Variants in WDFY3 observed in about 807,000 individuals in gnomAD.
WDFY3 encodes the protein WD repeat and FYVE domain-containing protein 3.
Under a neutral mutation model 409.6 loss-of-function variants are expected in WDFY3, and 66 were observed. The observed-to-expected ratio is 0.16, with a 90% confidence interval of 0.13 to 0.20. The LOEUF (loss-of-function observed/expected upper bound fraction) is 0.20, where lower values mean the gene tolerates loss of function less well. WDFY3 is among the 10% of genes least tolerant of loss of function. The probability of loss-of-function intolerance (pLI) is 1.00; values close to 1 mark genes in which losing one functional copy is unlikely to be tolerated. For synonymous variants in WDFY3, 1,521 were observed against 1,537.1 expected, an observed-to-expected ratio of 0.99 and a Z score of 0.25; for missense variants, 3,031 against 4,298.1, an observed-to-expected ratio of 0.71 and a Z score of 8.24.
rs549064907 is a variant in WDFY3 at position 84,696,186 on chromosome 4, T to C, written c.8689-4A>G. 1 of 1,613,640 alleles carries C rather than the reference T, an allele frequency of 6.2e-7. No individual in the cohort carries two copies. Among genetic ancestry groups the C allele is most frequent in the South Asian group, 1.1e-5 (1 of 90,984 alleles). On this transcript the variant is annotated splice_polypyrimidine_tract_variant and splice_region_variant and intron_variant, in intron 57 of 67. Coordinates refer to ENST00000295888, the MANE Select transcript of WDFY3 (RefSeq NM_014991.6). Reference sequence around the variant, plus strand: ...TCACGTAATCACACTCCAAAGCCTGTAATTTCAAACATAGGTTTAGTCACT... The same window carrying C: ...TCACGTAATCACACTCCAAAGCCTGCAATTTCAAACATAGGTTTAGTCACT...
chr4:84,870,218 G>A lies in WDFY3; in HGVS notation c.-31-9596C>T, dbSNP rs1307903363. Among the ~76,000 whole-genome samples, 3 of 152,166 alleles carry A rather than the reference G, an allele frequency of 2.0e-5. No individual in the cohort carries two copies. The East Asian group carries it at 5.8e-4, about 29-fold the overall frequency. ...AAAAGTTAAATAAAAAACAAAATAA[G>A]GGATTTAGCACCAAAATGTAAAGAG... is the stretch of plus-strand genomic sequence containing the variant. On this transcript the variant is annotated intron_variant, in intron 3 of 67. Coordinates refer to ENST00000295888, the MANE Select transcript of WDFY3 (RefSeq NM_014991.6).
At chr4:84,846,729 A>C (rs1468460107) in intron 5 of WDFY3, among the ~76,000 whole-genome samples, 2 of 151,648 alleles carry the variant, frequency 1.3e-5, no homozygotes, top group Non-Finnish European at 2.9e-5. Context: ...AAAAGGTATA[A>C]ACTTTTAAGA....
intron 36 of WDFY3, among the ~76,000 whole-genome samples, chr4:84,750,717 T>G (rs1740378281): frequency 6.6e-6 from 1 of 152,214 alleles, no homozygotes; most frequent in Admixed American, 6.5e-5. Flanking sequence ...AAACATTTTT[T>G]AATGCTTTTC....
intron 24 of WDFY3, among the ~76,000 whole-genome samples, chr4:84,784,149 T>C (rs1277850703): frequency 1.3e-5 from 2 of 152,148 alleles, no homozygotes; most frequent in Non-Finnish European, 2.9e-5. Context: ...CTGCTACTTC[T>C]CAGTCTTTTC....
chr4:84,752,765 A>G (rs1417571345), intron 35 of WDFY3, among the ~76,000 whole-genome samples: 2 of 152,158 alleles, frequency 1.3e-5, no homozygotes, highest in Non-Finnish European at 2.9e-5. Context: ...CCTAGAGTAT[A>G]TGGTGGAAAT....
Position 84,776,295 on chromosome 4 carries a change from C to A in WDFY3, c.4519-1157G>T, listed in dbSNP as rs189627154. Among the ~76,000 whole-genome samples, 75 of 151,922 alleles carry A rather than the reference C, an allele frequency of 4.9e-4. 1 individual carries two copies. Among genetic ancestry groups the A allele is most frequent in the African/African-American group, 1.7e-3 (70 of 41,494 alleles). ...TCACTAAAAATTGTACATGGCATTG[C>A]AATTATTTTACTTATATTTGTCAAA... On this transcript the variant is annotated intron_variant, in intron 27 of 67. Coordinates refer to ENST00000295888, the MANE Select transcript of WDFY3 (RefSeq NM_014991.6).
intron 59 of WDFY3, among the ~76,000 whole-genome samples, 171 bp from the exon 60 acceptor site, chr4:84,691,956 C>T (rs764248332): frequency 2.0e-5 from 3 of 152,186 alleles, no homozygotes; most frequent in Non-Finnish European, 2.9e-5. Context: ...ACAAGACCTG[C>T]TGGGTGGAAT....
At chr4:84,789,646 C>CCCCAA in intron 22 of WDFY3, 80 bp downstream of exon 22, 1 of 1,283,444 alleles carries the variant, frequency 7.8e-7, no homozygotes, top group Non-Finnish European at 1.1e-6. Context: ...CACACACACA[C>CCCCAA]ACACACACAC....
intron 8 of WDFY3, 149 bp downstream of exon 8, chr4:84,831,264 G>T (rs943168179): frequency 7.1e-6 from 4 of 561,052 alleles, no homozygotes; most frequent in Admixed American, 4.1e-5. Flanking sequence ...CCCCACAGAT[G>T]AAAAAAAATA....
chr4:84,785,887 G>T, intron 24 of WDFY3, 92 bp downstream of exon 24: 1 of 1,440,866 alleles, frequency 6.9e-7, no homozygotes, highest in Non-Finnish European at 9.4e-7. Context: ...ATTTTTAGCA[G>T]TCACTCATAA....
chr4:84,693,470 T>C (rs1032107469), intron 58 of WDFY3, among the ~76,000 whole-genome samples: 2 of 152,232 alleles, frequency 1.3e-5, no homozygotes, highest in African/African-American at 2.4e-5. Flanking sequence ...AAATATCATT[T>C]TGGTGTCCTA....
chr4:84,713,039 A>T (rs538200905), intron 51 of WDFY3, 120 bp downstream of exon 51: 138 of 1,012,532 alleles, frequency 1.4e-4, no homozygotes, highest in South Asian at 3.4e-4. Flanking sequence ...GTATTTTTTT[A>T]AAAAAATTTG....
chr4:84,693,493 T>A (rs1729593515), intron 58 of WDFY3, among the ~76,000 whole-genome samples: 1 of 152,220 alleles, frequency 6.6e-6, no homozygotes, highest in African/African-American at 2.4e-5. Context: ...AAGGTGCTAC[T>A]GATTTGCTGA....
At chr4:84,930,945 T>C (rs1003347932) in intron 2 of WDFY3, among the ~76,000 whole-genome samples, 3 of 152,224 alleles carry the variant, frequency 2.0e-5, no homozygotes, top group African/African-American at 7.2e-5. Context: ...TAAGATATTT[T>C]GATAGAAACC....
rs539456778 is a variant in WDFY3 at position 84,834,477 on chromosome 4, T to C, written c.576+2452A>G. ...ACCTGGCCAACATGGTGAAACCTCA[T>C]CTCTACTAAAAACAAAAAAAAAAAA... On this transcript the variant is annotated intron_variant, in intron 7 of 67. Transcript: ENST00000295888. Among the ~76,000 whole-genome samples, 3 of 149,842 alleles carry C rather than the reference T, an allele frequency of 2.0e-5. No homozygotes were observed. In the South Asian group the frequency reaches 6.5e-4, roughly 33 times the overall value.
At chr4:84,966,127 C>G (rs1466713019) in intron 1 of WDFY3, 82 bp downstream of exon 1, 1 of 151,852 alleles carries the variant, frequency 6.6e-6, no homozygotes, top group East Asian at 1.9e-4. Context: ...CCCGCACGAA[C>G]AAAGCGGCCA....
intron 67 of WDFY3, 72 bp from the exon 68 acceptor site, chr4:84,673,063 A>G: frequency 6.3e-7 from 1 of 1,592,524 alleles, no homozygotes; most frequent in Non-Finnish European, 8.5e-7. Context: ...AAACATTAAT[A>G]ATCGAATGGA....
intron 17 of WDFY3, among the ~76,000 whole-genome samples, chr4:84,798,774 C>T (rs1322397235): frequency 1.3e-5 from 2 of 152,162 alleles, no homozygotes; most frequent in African/African-American, 2.4e-5. Flanking sequence ...TTAATTACCT[C>T]CTGTGACACC....
At chr4:84,926,230 A>G (rs1383873169) in intron 2 of WDFY3, among the ~76,000 whole-genome samples, 2 of 150,222 alleles carry the variant, frequency 1.3e-5, no homozygotes, top group Non-Finnish European at 3.0e-5. Context: ...AAAAAAATCA[A>G]TGTGATGTGG....
Sources: allele counts gnomAD v4.1 joint callset (sites outside exome capture counted in the v4.1 genomes callset), GRCh38; gene constraint gnomAD v4.1.1; transcripts MANE v1.5; gene names NCBI Gene and HGNC (gene_info 2026-07-23, HGNC 2026-07-21).